Variants in ELAVL1 observed in about 807,000 individuals in gnomAD.
ELAVL1 encodes the protein ELAV-like protein 1.
In ELAVL1, 1 loss-of-function variant was observed where a neutral mutation model predicts 28.4. The observed-to-expected ratio is 0.04, with a 90% CI of 0.01 to 0.17. ELAVL1 has a LOEUF of 0.17. Among genes scored for constraint, ELAVL1 ranks in the 10% least tolerant of loss-of-function variants. The probability of loss-of-function intolerance (pLI) is 1.00; values close to 1 mark genes in which losing one functional copy is unlikely to be tolerated. For missense variants in ELAVL1, 157 were observed against 447.2 expected (o/e 0.35, Z 5.85); for synonymous variants, 174 against 183.5 (o/e 0.95, Z 0.42).
chr19:7,987,458 T>C (rs1481268356), intron 2 of ELAVL1, among the ~76,000 whole-genome samples: 1 of 152,082 alleles, frequency 6.6e-6, no homozygotes, highest in Admixed American at 6.5e-5. Flanking sequence ...TAGCTGGTGT[T>C]TGTGGGTGGA....
At chr19:7,968,233 A>C (rs34557917) in intron 4 of ELAVL1, among the ~76,000 whole-genome samples, 2,109 of 152,270 alleles carry the variant, frequency 0.014, 31 homozygotes, top group South Asian at 0.023. Flanking sequence ...CCCTGGGCTC[A>C]GGGGCCACTC....
chr19:7,989,016 G>A (rs1230320851), intron 2 of ELAVL1, among the ~76,000 whole-genome samples: 2 of 152,160 alleles, frequency 1.3e-5, no homozygotes, highest in African/African-American at 2.4e-5. Flanking sequence ...ACCGAGGAGG[G>A]TAAACACGGG....
chr19:7,990,338 G>C (rs1032916398), intron 2 of ELAVL1, among the ~76,000 whole-genome samples: 3 of 141,128 alleles, frequency 2.1e-5, no homozygotes, highest in African/African-American at 7.9e-5. Flanking sequence ...TTTTAAATTA[G>C]TTTTTTTTTT....
At position 7,979,383 on chromosome 19, in the gene ELAVL1, C is replaced by T. The variant is rs1985390398; in HGVS notation, c.276+1700G>A. Among the ~76,000 whole-genome samples, 1 of 152,228 alleles carries T rather than the reference C, an allele frequency of 6.6e-6. No individual in the cohort carries two copies. Among genetic ancestry groups the T allele is most frequent in the Non-Finnish European group, 1.5e-5 (1 of 68,032 alleles). On this transcript the variant is annotated intron_variant, in intron 3 of 5. Transcript: ENST00000407627. The surrounding 1 kb of genome is among the most constrained non-coding windows in gnomAD (Gnocchi z 5.4). ...CTCAGGCAGCCACTCCAGCCTTTCC[C>T]ACCAACATCAATCCTAGAGAGGCAA... is the stretch of plus-strand genomic sequence containing the variant.
chr19:7,986,977 T>A (rs1985619406), intron 2 of ELAVL1, among the ~76,000 whole-genome samples: 1 of 152,092 alleles, frequency 6.6e-6, no homozygotes, highest in Admixed American at 6.5e-5. Flanking sequence ...GCTTAAGTTT[T>A]TTTTTCTGTG....
rs1317235800 is a variant in ELAVL1, at chr19:7,981,950, C to T, written c.173-764G>A. Among the ~76,000 whole-genome samples the T allele has an allele frequency of 1.3e-5, 2 of 152,162 alleles. No individual in the cohort carries two copies. The highest frequency in any genetic ancestry group is 2.9e-5 in the Non-Finnish European group (2 of 68,028). ...ACCAGTTCCATTTACCTTTCCAAGC[C>T]TGAGACCAGCCCGACCCCGCTGTGG... On this transcript the variant is annotated intron_variant, in intron 2 of 5. Coordinates refer to ENST00000407627, the MANE Select transcript of ELAVL1 (RefSeq NM_001419.3). This position sits in a 1 kb window ranked among gnomAD's most constrained non-coding sequence, Gnocchi z 4.2.
intron 2 of ELAVL1, among the ~76,000 whole-genome samples, chr19:7,985,662 C>A (rs936630062): frequency 1.3e-5 from 2 of 151,978 alleles, no homozygotes; most frequent in African/African-American, 2.4e-5. Flanking sequence ...TGTCAGTGCT[C>A]GGGGGGCAAA....
At chr19:7,969,802 GTGGCTTTCAAATGCAAAC>G (rs1266551975) in intron 4 of ELAVL1, among the ~76,000 whole-genome samples, 1 of 152,104 alleles carries the variant, frequency 6.6e-6, no homozygotes. Flanking sequence ...GGGTTGTAGA[GTGGCTTTCAAATGCAAAC>G]TGCCTGAGTG....
chr19:7,973,538 C>G, intron 4 of ELAVL1, 187 bp downstream of exon 4: 1 of 729,322 alleles, frequency 1.4e-6, no homozygotes, highest in African/African-American at 1.8e-5. Context: ...ATATCCCCAG[C>G]TTCTTTTAAT....
At position 7,967,455 on chromosome 19, in the gene ELAVL1, T is replaced by G. The variant is rs1034102127; in HGVS notation, c.656+110A>C. On this transcript the variant is annotated intron_variant, in intron 5 of 5. Coordinates refer to ENST00000407627, the MANE Select transcript of ELAVL1 (RefSeq NM_001419.3). ...GCTGCAGAATGATTCTGAAACGCGCTCTCTGACGGGATCAGTCTATCATCC... is the reference window on the plus strand; with the variant it reads ...GCTGCAGAATGATTCTGAAACGCGCGCTCTGACGGGATCAGTCTATCATCC... 4.1e-6 allele frequency: 5 copies of G among 1,220,922 alleles called. No homozygotes were observed. In the African/African-American group the frequency reaches 6.1e-5, roughly 15 times the overall value. The allele number at this position is 1,220,922 out of a possible 1,614,324, so 75.6% of individuals were successfully genotyped here. A position where few individuals can be genotyped will look rare whatever the true frequency, so the allele number is the denominator to read the frequency against.
At chr19:7,991,514 C>T (rs1260498816) in intron 2 of ELAVL1, 130 bp downstream of exon 2, 1 of 931,852 alleles carries the variant, frequency 1.1e-6, no homozygotes, top group Non-Finnish European at 1.6e-6. Context: ...AAAAATGAAA[C>T]TTCACAGCCA....
intron 3 of ELAVL1, among the ~76,000 whole-genome samples, chr19:7,978,973 A>G (rs1440940587): frequency 6.6e-6 from 1 of 152,192 alleles, no homozygotes; most frequent in Non-Finnish European, 1.5e-5. Flanking sequence ...TAAACTGGGG[A>G]TGGCAGGGGA....
intron 3 of ELAVL1, among the ~76,000 whole-genome samples, chr19:7,975,149 G>A (rs1197590478): frequency 5.9e-5 from 9 of 152,194 alleles, no homozygotes; most frequent in Non-Finnish European, 1.2e-4. Flanking sequence ...TGTGGGTCAG[G>A]GGCTGCCAGT....
In ELAVL1 at chr19:7,981,059, GCGGTGGTGATCAGATC is replaced by G; in HGVS notation, c.276+8_276+23del. On this transcript the variant is annotated splice_region_variant and intron_variant, in intron 3 of 5. Transcript: ENST00000407627. The surrounding 1 kb of genome is among the most constrained non-coding windows in gnomAD (Gnocchi z 4.2). ...ACCTGTGCCCAGGGCAGGAATGGAT[GCGGTGGTGATCAGATC>G]CCTTTACCTTAATGGTTTTTGACTG... 6.2e-7 allele frequency: 1 copy of G among 1,610,074 alleles called. No individual in the cohort carries two copies. The highest frequency in any genetic ancestry group is 8.5e-7 in the Non-Finnish European group (1 of 1,176,562).
chr19:7,983,635 A>G (rs1437553114), intron 2 of ELAVL1, among the ~76,000 whole-genome samples: 1 of 152,088 alleles, frequency 6.6e-6, no homozygotes, highest in African/African-American at 2.4e-5. Flanking sequence ...CTCCATAAAC[A>G]AGCCTGGACC....
chr19:7,959,382 C>G lies in ELAVL1; in HGVS notation c.*4101G>C, dbSNP rs1471137470. ...ATGGGAATCGGTTAAGAGAGCCTCCCCTCCCCCAAAGCAAGTCACTGTAAA... is the reference window on the plus strand; with the variant it reads ...ATGGGAATCGGTTAAGAGAGCCTCCGCTCCCCCAAAGCAAGTCACTGTAAA... On this transcript the variant is annotated 3_prime_UTR_variant, in exon 6 of 6. Coordinates refer to ENST00000407627, the MANE Select transcript of ELAVL1 (RefSeq NM_001419.3). 2.6e-5 allele frequency: 4 copies of G among 152,566 alleles called. No individual in the cohort carries two copies. Among genetic ancestry groups the G allele is most frequent in the Non-Finnish European group, 4.4e-5 (3 of 68,048 alleles). 9.5% of individuals were successfully genotyped at this position (152,566 alleles called of 1,614,324 possible). A position where few individuals can be genotyped will look rare whatever the true frequency, so the allele number is the denominator to read the frequency against.
intron 1 of ELAVL1, chr19:8,001,990 C>T: frequency 1.6e-6 from 2 of 1,257,234 alleles, no homozygotes; most frequent in Non-Finnish European, 2.1e-6. Context: ...CTTGTCTCCC[C>T]CCAGCCTCTC....
rs972202913 is a variant in ELAVL1, at chr19:7,961,099, A to G, written c.*2384T>C. 6.6e-6 allele frequency: 1 copy of G among 152,276 alleles called. No homozygotes were observed. The highest frequency in any genetic ancestry group is 2.4e-5 in the African/African-American group (1 of 41,470). 9.4% of individuals were successfully genotyped at this position (152,276 alleles called of 1,614,324 possible). On this transcript the variant is annotated 3_prime_UTR_variant, in exon 6 of 6. Transcript: ENST00000407627. Reference sequence around the variant, plus strand: ...CTTCAGGGAACTTTCAAAGGCTCATATACTTCACAGTTTCTTCTCACCTGT... The same window carrying G: ...CTTCAGGGAACTTTCAAAGGCTCATGTACTTCACAGTTTCTTCTCACCTGT...
chr19:7,983,052 C>T (rs1985504892), intron 2 of ELAVL1, among the ~76,000 whole-genome samples: 1 of 152,218 alleles, frequency 6.6e-6, no homozygotes, highest in African/African-American at 2.4e-5. Context: ...GGAAGGAAGT[C>T]AGGACGCCCA....
Sources: gnomAD v4.1 joint callset for allele counts (sites outside exome capture counted in the v4.1 genomes callset) on GRCh38, gnomAD v4.1.1 for gene constraint, Gnocchi (gnomAD v3.1) non-coding constraint, MANE v1.5 for transcripts, NCBI Gene and HGNC (gene_info 2026-07-23, HGNC 2026-07-21) for gene names.